The following CSMD1 variants were observed in gnomAD, a reference collection of about 807,000 sequenced individuals.
CSMD1 encodes CUB and sushi domain-containing protein 1.
Under a neutral mutation model 417.5 loss-of-function variants are expected in CSMD1, and 213 were observed. That is an observed-to-expected ratio of 0.51 (90% CI 0.46 to 0.57). The LOEUF is 0.57. Ranked by LOEUF, CSMD1 falls within the 20% of genes least tolerant of loss-of-function variation. The pLI, the probability that CSMD1 is intolerant of heterozygous loss-of-function variation, is 0.00. For missense variants in CSMD1, 6,923 were observed against 4,529.7 expected, an observed-to-expected ratio of 1.53 and a Z score of -15.17; for synonymous variants, 2,862 against 1,736.8, an observed-to-expected ratio of 1.65 and a Z score of -16.11.
At chr8:4,731,794 T>C (rs1272752812) in intron 1 of CSMD1, among the ~76,000 whole-genome samples, 1 of 152,154 alleles carries the variant, frequency 6.6e-6, no homozygotes, top group Non-Finnish European at 1.5e-5. Context: ...ACTCTATTTA[T>C]TTAGGGTTGG....
intron 5 of CSMD1, among the ~76,000 whole-genome samples, chr8:3,852,832 A>G (rs1804009638): frequency 6.6e-6 from 1 of 152,036 alleles, no homozygotes; most frequent in South Asian, 2.1e-4. Flanking sequence ...GCTTTCTGTA[A>G]CCCACCAGGG....
At chr8:4,362,168 G>A (rs920137946) in intron 3 of CSMD1, among the ~76,000 whole-genome samples, 2 of 152,136 alleles carry the variant, frequency 1.3e-5, no homozygotes, top group African/African-American at 4.8e-5. Flanking sequence ...ATTTACATGA[G>A]TACAGTGAAG....
chr8:4,642,326 A>G (rs1203926670), intron 1 of CSMD1, among the ~76,000 whole-genome samples: 1 of 152,190 alleles, frequency 6.6e-6, no homozygotes, highest in Non-Finnish European at 1.5e-5. Context: ...CACCCAGCTT[A>G]GAAAATGGCC....
chr8:4,355,217 G>A (rs1054564410), intron 3 of CSMD1, among the ~76,000 whole-genome samples: 5 of 151,898 alleles, frequency 3.3e-5, no homozygotes. Flanking sequence ...ATCCGAGATC[G>A]CGCCACTGCA....
At chr8:3,412,279 A>C (rs1407821281) in intron 12 of CSMD1, among the ~76,000 whole-genome samples, 1 of 151,650 alleles carries the variant, frequency 6.6e-6, no homozygotes, top group Non-Finnish European at 1.5e-5. Context: ...TTGCAATTGC[A>C]AATTGTGCTG....
chr8:4,583,236 GGCA>G (rs1301061579), intron 2 of CSMD1, among the ~76,000 whole-genome samples: 3 of 152,222 alleles, frequency 2.0e-5, no homozygotes, highest in Non-Finnish European at 2.9e-5. Context: ...GGGACTGGCA[GGCA>G]GCTCCACCTG....
intron 8 of CSMD1, among the ~76,000 whole-genome samples, chr8:3,598,021 A>G (rs1801175645): frequency 6.6e-6 from 1 of 152,146 alleles, no homozygotes. Flanking sequence ...TCTCTTTATC[A>G]TTTGCCCTAC....
intron 2 of CSMD1, among the ~76,000 whole-genome samples, chr8:4,591,094 A>C (rs1299342761): frequency 1.3e-5 from 2 of 152,170 alleles, no homozygotes; most frequent in East Asian, 3.9e-4. Context: ...CTATTCTCTA[A>C]GGTTGTAAGC....
chr8:4,436,869 G>T (rs1042397086), intron 2 of CSMD1, among the ~76,000 whole-genome samples: 1 of 152,112 alleles, frequency 6.6e-6, no homozygotes, highest in Non-Finnish European at 1.5e-5. Context: ...TGTGGCTGAA[G>T]AGTACTCCAT....
intron 26 of CSMD1, among the ~76,000 whole-genome samples, chr8:3,260,545 G>C (rs1372114712): frequency 1.3e-5 from 2 of 151,952 alleles, no homozygotes; most frequent in Admixed American, 6.6e-5. Flanking sequence ...AAATGTCAGA[G>C]TGCTTCAATA....
intron 3 of CSMD1, among the ~76,000 whole-genome samples, chr8:4,256,926 C>T (rs1418617975): frequency 1.3e-5 from 2 of 152,146 alleles, no homozygotes; most frequent in African/African-American, 4.8e-5. Context: ...TATTTTCCTT[C>T]CGCTTTCCCT....
intron 3 of CSMD1, among the ~76,000 whole-genome samples, chr8:4,105,079 A>T (rs1052601445): frequency 2.0e-5 from 3 of 152,214 alleles, no homozygotes; most frequent in African/African-American, 7.2e-5. Flanking sequence ...ATTTAAAGTA[A>T]AGACAGCAAG....
intron 4 of CSMD1, among the ~76,000 whole-genome samples, chr8:4,013,799 C>A (rs1267524837): frequency 6.6e-6 from 1 of 152,166 alleles, no homozygotes; most frequent in Non-Finnish European, 1.5e-5. Context: ...TGAAACACAG[C>A]CAGTCTATCT....
intron 3 of CSMD1, among the ~76,000 whole-genome samples, chr8:4,198,604 T>C (rs536032860): frequency 1.3e-5 from 2 of 152,290 alleles, no homozygotes; most frequent in East Asian, 1.9e-4. Context: ...TTTAACGTAA[T>C]GAGTCTTTAA....
At chr8:3,205,072 G>T (rs987416508) in intron 31 of CSMD1, among the ~76,000 whole-genome samples, 5 of 152,204 alleles carry the variant, frequency 3.3e-5, no homozygotes, top group Non-Finnish European at 7.3e-5. Context: ...CTTACAGGTT[G>T]ACTCAAGGAT....
At chr8:3,993,916 T>C (rs781547779) in intron 5 of CSMD1, among the ~76,000 whole-genome samples, 6 of 152,120 alleles carry the variant, frequency 3.9e-5, no homozygotes, top group African/African-American at 1.4e-4. Context: ...CGTGGAAACG[T>C]GCAGCTGAAC....
Position 3,219,302 on chromosome 8 carries a change from C to A in CSMD1, c.4625G>T (p.Arg1542Leu). 1 of 1,593,076 alleles carries A rather than the reference C, an allele frequency of 6.3e-7. No individual in the cohort carries two copies. Among genetic ancestry groups the A allele is most frequent in the East Asian group, 2.3e-5 (1 of 44,162 alleles). Residue 1542 changes from arginine (R) to leucine (L), a missense_variant, in exon 29 of 70, where the codon CGG becomes CTG. Arg to Leu is a moderately radical substitution (Grantham distance 102). Coordinates refer to ENST00000635120, the MANE Select transcript of CSMD1 (RefSeq NM_033225.6). ...SSGNSLFLAF[R>L]SDASVGLSGF... ...TGAAAGGCCCACGGAGGCATCACTC[C>A]GAAATGCCAGAAACAGGCTGTTTCC...
At chr8:4,032,600 T>A (rs1402407070) in intron 3 of CSMD1, among the ~76,000 whole-genome samples, 1 of 152,172 alleles carries the variant, frequency 6.6e-6, no homozygotes, top group South Asian at 2.1e-4. Context: ...ATTTGATGGA[T>A]AAGCAATTGA....
intron 37 of CSMD1, among the ~76,000 whole-genome samples, chr8:3,173,049 C>T (rs1820681397): frequency 1.3e-5 from 2 of 152,174 alleles, no homozygotes; most frequent in Admixed American, 1.3e-4. Flanking sequence ...TACATTAGAA[C>T]TTGAAACTCC....
Sources: allele counts gnomAD v4.1 joint callset (sites outside exome capture counted in the v4.1 genomes callset), GRCh38; gene constraint gnomAD v4.1.1; transcripts MANE v1.5; gene names NCBI Gene and HGNC (gene_info 2026-07-23, HGNC 2026-07-21).